TENM4: variants seen among roughly 807,000 people sequenced by gnomAD.
TENM4 encodes teneurin-4.
A neutral mutation model predicts 243.3 loss-of-function variants in TENM4; 82 were observed. The ratio of observed to expected loss-of-function variants is 0.34; its 90% confidence interval spans 0.28 to 0.40. TENM4 has a LOEUF of 0.40. TENM4 is among the 10% of genes least tolerant of loss of function. The pLI, the probability that TENM4 is intolerant of heterozygous loss-of-function variation, is 1.00. For synonymous variants in TENM4, 1,412 were observed against 1,456.3 expected (o/e 0.97, Z 0.69); for missense variants, 3,138 against 3,673.3 (o/e 0.85, Z 3.77).
At chr11:79,369,689 A>G (rs918683150) in intron 1 of TENM4, among the ~76,000 whole-genome samples, 1 of 152,174 alleles carries the variant, frequency 6.6e-6, no homozygotes, top group Admixed American at 6.5e-5. Flanking sequence ...CCCTCTGTCC[A>G]TCCTACAAGC....
intron 4 of TENM4, among the ~76,000 whole-genome samples, chr11:79,138,195 C>T (rs1001559893): frequency 3.3e-4 from 50 of 149,502 alleles, no homozygotes; most frequent in Admixed American, 5.5e-4. Flanking sequence ...CCTCAAATAT[C>T]GGACTCCAAA....
At chr11:79,334,644 AAG>A (rs1857118547) in intron 1 of TENM4, among the ~76,000 whole-genome samples, 1 of 152,210 alleles carries the variant, frequency 6.6e-6, no homozygotes, top group African/African-American at 2.4e-5. Flanking sequence ...AGCATTTTGC[AAG>A]ATAGGTTCAA....
intron 28 of TENM4, among the ~76,000 whole-genome samples, chr11:78,696,815 G>A (rs1162651372): frequency 6.6e-6 from 1 of 152,104 alleles, no homozygotes; most frequent in Non-Finnish European, 1.5e-5. Flanking sequence ...GCTAACTATG[G>A]TGGTGGCAAA....
At chr11:79,138,524 TACATAATATATTA>T (rs1565219458) in intron 4 of TENM4, among the ~76,000 whole-genome samples, 13 of 110,692 alleles carry the variant, frequency 1.2e-4, no homozygotes, top group African/African-American at 4.9e-4. Context: ...ATTATATTTA[TACATAATATATTA>T]AAATATATTA....
chr11:79,318,439 T>G (rs991148128), intron 1 of TENM4, among the ~76,000 whole-genome samples: 1 of 152,122 alleles, frequency 6.6e-6, no homozygotes, highest in Non-Finnish European at 1.5e-5. Context: ...GATATGCTGG[T>G]AAATATTTGA....
At chr11:78,814,233 A>C (rs1464933548) in intron 13 of TENM4, 61 bp downstream of exon 13, 1 of 1,483,228 alleles carries the variant, frequency 6.7e-7, no homozygotes, top group Non-Finnish European at 9.2e-7. Context: ...TGAGAAGTAG[A>C]AGTGAGCTGC....
chr11:78,672,878 G>A (rs566319729), intron 30 of TENM4, among the ~76,000 whole-genome samples: 6 of 152,094 alleles, frequency 3.9e-5, no homozygotes, highest in African/African-American at 7.2e-5. Context: ...TGAGCAATTC[G>A]TGGCCTTCTG....
intron 2 of TENM4, among the ~76,000 whole-genome samples, chr11:79,239,530 C>G (rs2135278082): frequency 6.6e-6 from 1 of 152,242 alleles, no homozygotes; most frequent in South Asian, 2.1e-4. Flanking sequence ...GATGCATGAA[C>G]TCAAGGGCCC....
intron 1 of TENM4, among the ~76,000 whole-genome samples, chr11:79,307,200 A>G (rs987039557): frequency 1.3e-5 from 2 of 152,100 alleles, no homozygotes; most frequent in Non-Finnish European, 2.9e-5. Context: ...GGCAATGTGA[A>G]TTGCCCCAGA....
At chr11:78,714,711 G>A (rs1859483639) in intron 25 of TENM4, among the ~76,000 whole-genome samples, 1 of 149,668 alleles carries the variant, frequency 6.7e-6, no homozygotes, top group Admixed American at 6.7e-5. Flanking sequence ...CCCTACACCT[G>A]GCCACAGACC....
chr11:79,410,193 T>C (rs573751036), intron 1 of TENM4, among the ~76,000 whole-genome samples: 1 of 152,296 alleles, frequency 6.6e-6, no homozygotes, highest in Admixed American at 6.5e-5. Context: ...CCCATTTCAC[T>C]TCCTTACTTT....
At chr11:79,365,160 C>A (rs1857655281) in intron 1 of TENM4, among the ~76,000 whole-genome samples, 1 of 152,204 alleles carries the variant, frequency 6.6e-6, no homozygotes, top group Non-Finnish European at 1.5e-5. Flanking sequence ...CTAAAAATTG[C>A]AGCCCCAAGA....
At chr11:78,848,800 G>C (rs576434490) in intron 12 of TENM4, among the ~76,000 whole-genome samples, 16 of 152,016 alleles carry the variant, frequency 1.1e-4, no homozygotes, top group African/African-American at 3.9e-4. Context: ...GAGCAAGGAT[G>C]CAATCCTTGC....
At chr11:78,659,861 AG>A (rs1857988086) in intron 33 of TENM4, among the ~76,000 whole-genome samples, 3 of 152,224 alleles carry the variant, frequency 2.0e-5, no homozygotes, top group Admixed American at 2.0e-4. Context: ...CTTATCAGCA[AG>A]TTAGGGAAAT....
intron 5 of TENM4, among the ~76,000 whole-genome samples, chr11:79,065,864 C>T (rs568335383): frequency 6.6e-6 from 1 of 152,328 alleles, no homozygotes; most frequent in African/African-American, 2.4e-5. Flanking sequence ...ACTAGCCTCC[C>T]TGTCACTCCT....
intron 1 of TENM4, among the ~76,000 whole-genome samples, chr11:79,353,141 A>G (rs1178868695): frequency 6.6e-6 from 1 of 152,210 alleles, no homozygotes; most frequent in African/African-American, 2.4e-5. Context: ...GCAGGAAAAC[A>G]AAGCTTAACC....
At chr11:79,218,246 C>T (rs1187379255) in intron 2 of TENM4, among the ~76,000 whole-genome samples, 1 of 136,242 alleles carries the variant, frequency 7.3e-6, no homozygotes, top group Non-Finnish European at 1.6e-5. Flanking sequence ...CCACCCCCGA[C>T]ACACACAACC....
intron 4 of TENM4, among the ~76,000 whole-genome samples, chr11:79,072,251 C>T (rs770076997): frequency 7.2e-5 from 11 of 152,044 alleles, no homozygotes; most frequent in Admixed American, 1.3e-4. Flanking sequence ...TTTTAGGAGG[C>T]GAAGTGGAAG....
At position 79,162,489 on chromosome 11, in the gene TENM4, A is replaced by ATTTATTTAT. The variant is rs899376913; in HGVS notation, c.-162-13684_-162-13683insATAAATAAA. On this transcript the variant is annotated intron_variant, in intron 3 of 33. Transcript: ENST00000278550. ...TTATTATTTATTTATTTATTTATTT[A>ATTTATTTAT]TTATTATTGTTATCTGTCTGACTCC... Among the ~76,000 whole-genome samples the ATTTATTTAT allele has an allele frequency of 5.6e-4, 81 of 143,662 alleles. 1 individual carries two copies. The East Asian group carries it at 0.014, about 26-fold the overall frequency. The allele number at this position is 143,662 out of a possible 152,430, so 94.2% of individuals were successfully genotyped here. A position where few individuals can be genotyped will look rare whatever the true frequency, so the allele number is the denominator to read the frequency against.
Sources: allele counts gnomAD v4.1 joint callset (sites outside exome capture counted in the v4.1 genomes callset), GRCh38; gene constraint gnomAD v4.1.1; transcripts MANE v1.5; gene names NCBI Gene and HGNC (gene_info 2026-07-23, HGNC 2026-07-21).